Variants in ZNF571 observed in about 807,000 individuals in gnomAD.
ZNF571 encodes zinc finger protein 571.
In ZNF571, 4 loss-of-function variants were observed where a neutral mutation model predicts 7.7. The observed-to-expected ratio is 0.52, with a 90% CI of 0.25 to 1.18. ZNF571 has a LOEUF of 1.18. ZNF571 is among the 50% of genes most tolerant of loss of function. The probability of loss-of-function intolerance (pLI) is 0.14; values close to 1 mark genes in which losing one functional copy is unlikely to be tolerated. For missense variants in ZNF571, 704 were observed against 726.9 expected (o/e 0.97, Z 0.36); for synonymous variants, 251 against 232.4 (o/e 1.08, Z -0.73).
intron 3 of ZNF571, among the ~76,000 whole-genome samples, chr19:37,580,494 C>T (rs1298383075): frequency 6.6e-6 from 1 of 152,198 alleles, no homozygotes; most frequent in East Asian, 1.9e-4. Flanking sequence ...GGATATACAA[C>T]ATGAAATACC....
At chr19:37,572,341 TAAAC>T (rs913543963) in intron 3 of ZNF571, among the ~76,000 whole-genome samples, 6 of 152,174 alleles carry the variant, frequency 3.9e-5, no homozygotes, top group African/African-American at 1.2e-4. Context: ...ATACCAGAAA[TAAAC>T]AATTCATAAG....
Position 37,564,543 on chromosome 19 carries a change from T to C in ZNF571, c.*55A>G. 2.1e-6 allele frequency: 3 copies of C among 1,430,046 alleles called. No individual in the cohort carries two copies. Among genetic ancestry groups the C allele is most frequent in the Non-Finnish European group, 1.8e-6 (2 of 1,081,636 alleles). 88.6% of individuals were successfully genotyped at this position (1,430,046 alleles called of 1,614,324 possible). A position where few individuals can be genotyped will look rare whatever the true frequency, so the allele number is the denominator to read the frequency against. Reference sequence around the variant, plus strand: ...CAGAAGCAAGATGTTCTACATTCATTATAGATATGAAATAGATGAAGATTT... The same window carrying C: ...CAGAAGCAAGATGTTCTACATTCATCATAGATATGAAATAGATGAAGATTT... On this transcript the variant is annotated 3_prime_UTR_variant, in exon 4 of 4. Transcript: ENST00000451802.
At chr19:37,586,948 G>C in intron 1 of ZNF571, 1 of 449,440 alleles carries the variant, frequency 2.2e-6, no homozygotes, top group Non-Finnish European at 3.9e-6. Context: ...CCTAGGTGCT[G>C]TTACTTTCCC....
chr19:37,575,324 A>G (rs2043206511), intron 3 of ZNF571, among the ~76,000 whole-genome samples: 2 of 152,248 alleles, frequency 1.3e-5, no homozygotes, highest in South Asian at 4.1e-4. Context: ...CATGCATATA[A>G]GCATATACAT....
intron 3 of ZNF571, among the ~76,000 whole-genome samples, chr19:37,576,039 G>C (rs1210682638): frequency 6.7e-6 from 1 of 148,176 alleles, no homozygotes; most frequent in Non-Finnish European, 1.5e-5. Context: ...AGGCATACAT[G>C]CATACACACA....
At chr19:37,578,683 C>G (rs55865869) in intron 3 of ZNF571, among the ~76,000 whole-genome samples, 40,564 of 151,856 alleles carry the variant, frequency 0.27, 6,413 homozygotes, top group Non-Finnish European at 0.37. Context: ...ACCCTGTCCC[C>G]ACCTGAACTC....
chr19:37,587,778 C>T (rs2043727691), intron 1 of ZNF571, among the ~76,000 whole-genome samples: 2 of 152,108 alleles, frequency 1.3e-5, no homozygotes, highest in South Asian at 2.1e-4. Context: ...TTGTCCTCCC[C>T]GCTAACCAAT....
chr19:37,591,337 C>T (rs908662659), intron 1 of ZNF571, among the ~76,000 whole-genome samples: 28 of 152,130 alleles, frequency 1.8e-4, no homozygotes, highest in African/African-American at 6.8e-4. Context: ...CAGAAAGACA[C>T]AGAACTGCCT....
At chr19:37,579,512 A>G (rs943423883) in intron 3 of ZNF571, among the ~76,000 whole-genome samples, 1 of 151,972 alleles carries the variant, frequency 6.6e-6, no homozygotes, top group African/African-American at 2.4e-5. Context: ...TATTCAATAA[A>G]TGGTGCTGGG....
chr19:37,583,684 C>G, intron 3 of ZNF571: 1 of 245,024 alleles, frequency 4.1e-6, no homozygotes, highest in Non-Finnish European at 7.9e-6. Context: ...GGCTTAGGGA[C>G]TGCACATACA....
chr19:37,587,294 C>T (rs1478539416), intron 1 of ZNF571: 1 of 152,270 alleles, frequency 6.6e-6, no homozygotes, highest in African/African-American at 2.4e-5. Context: ...CTCCCAATTA[C>T]AACACCTCCT....
At chr19:37,585,131 T>C (rs2043624231) in intron 2 of ZNF571, 1 of 152,182 alleles carries the variant, frequency 6.6e-6, no homozygotes, top group East Asian at 1.9e-4. Context: ...GAGACATCAC[T>C]CTGAACTGGT....
In ZNF571 at chr19:37,564,553, A is replaced by G. The variant is rs1277727112; in HGVS notation, c.*45T>C. 3 of 1,450,050 alleles carry G rather than the reference A, an allele frequency of 2.1e-6. No individual in the cohort carries two copies. The highest frequency in any genetic ancestry group is 2.5e-5 in the Admixed American group (1 of 40,454). 89.8% of individuals were successfully genotyped at this position (1,450,050 alleles called of 1,614,324 possible). ...ATGTTCTACATTCATTATAGATATG[A>G]AATAGATGAAGATTTTCTTAAATTT... is the stretch of plus-strand genomic sequence containing the variant. On this transcript the variant is annotated 3_prime_UTR_variant, in exon 4 of 4. Coordinates refer to ENST00000451802, the MANE Select transcript of ZNF571 (RefSeq NM_016536.5).
chr19:37,564,570 CTTAAAT>C lies in ZNF571; in HGVS notation c.*22_*27del, dbSNP rs2042778753. ...TAGATATGAAATAGATGAAGATTTT[CTTAAAT>C]TTAATCACATTCAAGGCTTTCTCAA... is the stretch of plus-strand genomic sequence containing the variant. On this transcript the variant is annotated 3_prime_UTR_variant, in exon 4 of 4. Coordinates refer to ENST00000451802, the MANE Select transcript of ZNF571 (RefSeq NM_016536.5). The C allele has an allele frequency of 5.5e-6, 8 of 1,453,204 alleles. No homozygotes were observed. In the African/African-American group the frequency reaches 5.6e-5, roughly 10 times the overall value. 90.0% of individuals were successfully genotyped at this position (1,453,204 alleles called of 1,614,324 possible).
At chr19:37,581,312 CATA>C (rs1411964892) in intron 3 of ZNF571, among the ~76,000 whole-genome samples, 2 of 152,204 alleles carry the variant, frequency 1.3e-5, no homozygotes, top group East Asian at 3.9e-4. Flanking sequence ...CATAATAATA[CATA>C]ATGTCAAAGG....
intron 1 of ZNF571, chr19:37,594,291 G>A (rs1440154387): frequency 1.3e-5 from 2 of 152,262 alleles, no homozygotes; most frequent in East Asian, 1.9e-4. Flanking sequence ...GTCACACGAG[G>A]AGTACTGCGG....
Position 37,565,210 on chromosome 19 carries a change from A to AAGATTAGAATT in ZNF571, c.1207_1217dup (p.Gln408LeufsTer146). 1 of 1,613,604 alleles carries AAGATTAGAATT rather than the reference A, an allele frequency of 6.2e-7. No homozygotes were observed. The highest frequency in any genetic ancestry group is 8.5e-7 in the Non-Finnish European group (1 of 1,179,840). On this transcript the variant is annotated frameshift_variant, in exon 4 of 4. Coordinates refer to ENST00000451802, the MANE Select transcript of ZNF571 (RefSeq NM_016536.5). LOFTEE classifies it low-confidence loss of function (END_TRUNC). ...CGGTATGAATTCTTTGATGTTGAAT[A>AAGATTAGAATT]AGATTAGAATTAGAAATAAAGGCTT...
intron 3 of ZNF571, among the ~76,000 whole-genome samples, chr19:37,568,907 G>A (rs181017580): frequency 4.6e-5 from 7 of 151,692 alleles, no homozygotes. Context: ...AGTAGCTCTC[G>A]AATCTGTTAC....
intron 3 of ZNF571, among the ~76,000 whole-genome samples, chr19:37,578,888 A>C (rs977916530): frequency 2.1e-4 from 32 of 152,222 alleles, no homozygotes; most frequent in Non-Finnish European, 1.0e-4. Flanking sequence ...CAGAGGTAAC[A>C]GATAACACTT....
Sources: allele counts gnomAD v4.1 joint callset (sites outside exome capture counted in the v4.1 genomes callset), GRCh38; gene constraint gnomAD v4.1.1; transcripts MANE v1.5; gene names NCBI Gene and HGNC (gene_info 2026-07-23, HGNC 2026-07-21).